The following CRB1 variants were observed in gnomAD, a reference collection of about 807,000 sequenced individuals.
CRB1 encodes the protein protein crumbs homolog 1.
CRB1 carries 83 observed loss-of-function variants against 120.0 expected under a neutral mutation model. That is an observed-to-expected ratio of 0.69 (90% CI 0.58 to 0.83). CRB1 has a LOEUF of 0.83. Among genes scored for constraint, CRB1 ranks in the 40% least tolerant of loss-of-function variants. The pLI is 0.00. For synonymous variants in CRB1, 625 were observed against 612.5 expected (o/e 1.02, Z -0.30); for missense variants, 1,699 against 1,687.6 (o/e 1.01, Z -0.12).
chr1:197,269,049 A>G (rs947441386), intron 1 of CRB1, among the ~76,000 whole-genome samples: 1 of 152,180 alleles, frequency 6.6e-6, no homozygotes, highest in Non-Finnish European at 1.5e-5. Context: ...ATTATTTTCC[A>G]CAAACTTCCC....
chr1:197,236,645 G>T, the CRB1 span, among the ~76,000 whole-genome samples: 3 of 152,150 alleles, frequency 2.0e-5, no homozygotes, highest in African/African-American at 4.8e-5. Flanking sequence ...AATAATGCTA[G>T]CTGTGGGGTT....
the CRB1 span, among the ~76,000 whole-genome samples, chr1:197,254,718 T>G: frequency 2.2e-4 from 33 of 152,226 alleles, no homozygotes; most frequent in African/African-American, 7.9e-4. Context: ...CTGAAGGCAA[T>G]TATAGGCTTT....
rs778049429 is a variant in CRB1, at chr1:197,421,542, G to T, written c.1714G>T (p.Val572Leu). 7 of 1,614,230 alleles carry T rather than the reference G, an allele frequency of 4.3e-6. No individual in the cohort carries two copies. The South Asian group carries it at 7.7e-5, about 18-fold the overall frequency. Residue 572 changes from valine (V) to leucine (L), a missense_variant, in exon 6 of 12, where the codon GTA becomes TTA. Coordinates refer to ENST00000367400, the MANE Select transcript of CRB1 (RefSeq NM_201253.3). ...CGATGGAGAGTGGCATTTCGTGGAGGTAATATTTGCAGAGGCTGTGACCCT... is the reference window on the plus strand; with the variant it reads ...CGATGGAGAGTGGCATTTCGTGGAGTTAATATTTGCAGAGGCTGTGACCCT... Reference protein sequence around the residue: ...TSDGEWHFVEVIFAEAVTLTL... With the variant: ...TSDGEWHFVELIFAEAVTLTL...
intron 8 of CRB1, among the ~76,000 whole-genome samples, chr1:197,433,353 T>C (rs1664968748): frequency 6.6e-6 from 1 of 152,150 alleles, no homozygotes; most frequent in African/African-American, 2.4e-5. Flanking sequence ...TGGTTGGGTG[T>C]AGTGCCTGAT....
At chr1:197,289,642 A>C (rs974420798) in intron 1 of CRB1, among the ~76,000 whole-genome samples, 1 of 151,818 alleles carries the variant, frequency 6.6e-6, no homozygotes, top group East Asian at 1.9e-4. Flanking sequence ...CTATTAGATG[A>C]ATATCAGAAC....
chr1:197,443,300 G>T (rs186682483), intron 11 of CRB1: 2 of 151,790 alleles, frequency 1.3e-5, no homozygotes, highest in East Asian at 3.9e-4. Context: ...CAATTATCTA[G>T]TATCAGTACT....
At chr1:197,377,564 G>A (rs1276715478) in intron 5 of CRB1, among the ~76,000 whole-genome samples, 1 of 152,126 alleles carries the variant, frequency 6.6e-6, no homozygotes, top group Non-Finnish European at 1.5e-5. Context: ...TAATTATAGT[G>A]TATGCCATAT....
At chr1:197,242,494 T>G in the CRB1 span, among the ~76,000 whole-genome samples, 3 of 152,236 alleles carry the variant, frequency 2.0e-5, no homozygotes, top group Non-Finnish European at 4.4e-5. Flanking sequence ...GATTTGCACA[T>G]GTTGAACGAG....
chr1:197,353,512 T>C (rs373595761), intron 4 of CRB1, among the ~76,000 whole-genome samples: 1 of 152,178 alleles, frequency 6.6e-6, no homozygotes, highest in African/African-American at 2.4e-5. Context: ...TTGAATTGTG[T>C]TTCTTTAAAA....
At chr1:197,277,372 C>T (rs1020606276) in intron 1 of CRB1, among the ~76,000 whole-genome samples, 3 of 151,952 alleles carry the variant, frequency 2.0e-5, no homozygotes, top group African/African-American at 7.2e-5. Context: ...TTACTTTCTG[C>T]AAATTAGTGA....
chr1:197,244,485 T>C, the CRB1 span, among the ~76,000 whole-genome samples: 117 of 152,220 alleles, frequency 7.7e-4, no homozygotes, highest in Middle Eastern at 3.4e-3. Context: ...AGTGTTTTCT[T>C]ATTTGCTTTT....
chr1:197,239,047 C>G, the CRB1 span, among the ~76,000 whole-genome samples: 1 of 152,004 alleles, frequency 6.6e-6, no homozygotes, highest in Non-Finnish European at 1.5e-5. Context: ...CTTCAGTTGT[C>G]CATTTGCATA....
chr1:197,415,969 A>G (rs1055505306), intron 5 of CRB1, among the ~76,000 whole-genome samples: 6 of 151,990 alleles, frequency 3.9e-5, no homozygotes, highest in Non-Finnish European at 8.8e-5. Context: ...AACTTGACCT[A>G]TATTTGAAAA....
rs576109810 is a variant in CRB1 at position 197,271,448 on chromosome 1, G to A, written c.70+2966G>A. Among the ~76,000 whole-genome samples, 22 of 152,238 alleles carry A rather than the reference G, an allele frequency of 1.4e-4. No homozygotes were observed. In the South Asian group the frequency reaches 4.6e-3, roughly 32 times the overall value. ...GACATGTGACATGAGGAATATTAGA[G>A]CAGAGTTCAGGAAGTGACATTCCCT... On this transcript the variant is annotated intron_variant, in intron 1 of 11. Transcript: ENST00000367400.
chr1:197,309,529 C>A (rs377466296), intron 1 of CRB1, among the ~76,000 whole-genome samples: 4 of 151,926 alleles, frequency 2.6e-5, no homozygotes, highest in Non-Finnish European at 5.9e-5. Flanking sequence ...CCGAGGCGGG[C>A]GGATCAGGAG....
chr1:197,377,782 G>A (rs546419343), intron 5 of CRB1, among the ~76,000 whole-genome samples: 2 of 151,892 alleles, frequency 1.3e-5, no homozygotes, highest in Admixed American at 6.6e-5. Flanking sequence ...TATGAGAAAG[G>A]CTTTTGTTAA....
chr1:197,478,438 A>G lies in CRB1; in HGVS notation c.*559A>G, dbSNP rs1164459358. The G allele has an allele frequency of 6.3e-6, 1 of 157,834 alleles. No homozygotes were observed. Among genetic ancestry groups the G allele is most frequent in the East Asian group, 1.8e-4 (1 of 5,570 alleles). 9.8% of individuals were successfully genotyped at this position (157,834 alleles called of 1,614,324 possible). A position where few individuals can be genotyped will look rare whatever the true frequency, so the allele number is the denominator to read the frequency against. Reference sequence around the variant, plus strand: ...CCAAAAAAGTGACCCAATGGCAACAAATAAAAATTGAAATGCAGTTGTTCT... The same window carrying G: ...CCAAAAAAGTGACCCAATGGCAACAGATAAAAATTGAAATGCAGTTGTTCT... On this transcript the variant is annotated 3_prime_UTR_variant, in exon 12 of 12. Transcript: ENST00000367400.
intron 1 of CRB1, among the ~76,000 whole-genome samples, chr1:197,279,014 G>T (rs576045276): frequency 6.6e-6 from 1 of 151,448 alleles, no homozygotes. Flanking sequence ...ATTTTATTCC[G>T]AAAAATAAAA....
the CRB1 span, among the ~76,000 whole-genome samples, chr1:197,259,041 A>C: frequency 2.6e-5 from 4 of 152,204 alleles, no homozygotes; most frequent in Non-Finnish European, 5.9e-5. Context: ...GATGCTGGCG[A>C]GGTTGTGGAG....
Sources: gnomAD v4.1 joint callset for allele counts (sites outside exome capture counted in the v4.1 genomes callset) on GRCh38, gnomAD v4.1.1 for gene constraint, MANE v1.5 for transcripts, NCBI Gene and HGNC (gene_info 2026-07-23, HGNC 2026-07-21) for gene names.